Variants in CDH2 observed in about 807,000 individuals in gnomAD.
The protein encoded by CDH2 is cadherin-2.
A neutral mutation model predicts 92.0 loss-of-function variants in CDH2; 17 were observed. The observed-to-expected ratio is 0.18, with a 90% confidence interval of 0.13 to 0.28. CDH2 has a LOEUF of 0.28. Ranked by LOEUF, CDH2 falls within the 10% of genes least tolerant of loss-of-function variation. The probability of loss-of-function intolerance (pLI) is 1.00; values close to 1 mark genes in which losing one functional copy is unlikely to be tolerated. For synonymous variants in CDH2, 419 were observed against 415.9 expected, an observed-to-expected ratio of 1.01 and a Z score of -0.09; for missense variants, 862 against 1,133.1, an observed-to-expected ratio of 0.76 and a Z score of 3.44.
At chr18:27,942,325 G>A (rs1380938066) in intron 6 of CDH2, among the ~76,000 whole-genome samples, 1 of 152,162 alleles carries the variant, frequency 6.6e-6, no homozygotes, top group Non-Finnish European at 1.5e-5. Flanking sequence ...ACAATTATAG[G>A]TAGGTAGATA....
At chr18:28,050,854 C>T (rs1262198192) in intron 2 of CDH2, among the ~76,000 whole-genome samples, 7 of 152,158 alleles carry the variant, frequency 4.6e-5, no homozygotes, top group African/African-American at 1.7e-4. Flanking sequence ...TAAGTTTTAG[C>T]TCAAGAAGAT....
intron 2 of CDH2, among the ~76,000 whole-genome samples, chr18:28,111,305 G>A (rs532771578): frequency 1.2e-4 from 19 of 152,336 alleles, no homozygotes; most frequent in African/African-American, 2.6e-4. Flanking sequence ...GGTGTAGCAC[G>A]TGCATACGTG....
rs1047601108 is a variant in CDH2, at chr18:28,147,607, T to C, written c.172+66A>G. 3 of 1,008,918 alleles carry C rather than the reference T, an allele frequency of 3.0e-6. No individual in the cohort carries two copies. In the Admixed American group the frequency reaches 6.4e-5, roughly 22 times the overall value. 62.5% of individuals were successfully genotyped at this position (1,008,918 alleles called of 1,614,324 possible). ...ATACAGTAGAAATGATTTAGGCTTT[T>C]TTAATGGCTAATTTGTTTCATGAGC... On this transcript the variant is annotated intron_variant, in intron 2 of 15. Transcript: ENST00000269141.
Position 27,979,229 on chromosome 18 carries a change from A to G in CDH2, c.2349+3715T>C, listed in dbSNP as rs953316171. Among the ~76,000 whole-genome samples the G allele has an allele frequency of 3.3e-5, 5 of 152,326 alleles. No homozygotes were observed. The East Asian group carries it at 9.7e-4, about 29-fold the overall frequency. On this transcript the variant is annotated intron_variant, in intron 14 of 15. Coordinates refer to ENST00000269141, the MANE Select transcript of CDH2 (RefSeq NM_001792.5). ...GGCTAAACAAACGTCATGAAATAAC[A>G]TATCAAAAGGGTAAAACCGTAGGCA... is the stretch of plus-strand genomic sequence containing the variant.
At chr18:28,083,176 C>A (rs1355519736) in intron 2 of CDH2, among the ~76,000 whole-genome samples, 1 of 152,016 alleles carries the variant, frequency 6.6e-6, no homozygotes, top group Non-Finnish European at 1.5e-5. Context: ...AAAGATAATA[C>A]CCCCCAAGAA....
intron 1 of CDH2, among the ~76,000 whole-genome samples, chr18:28,170,552 A>C (rs1168938827): frequency 3.9e-5 from 6 of 152,042 alleles, no homozygotes; most frequent in African/African-American, 1.4e-4. Flanking sequence ...TCACCGTGTT[A>C]GGCAGGATGG....
chr18:28,103,824 C>T (rs1463891626), intron 2 of CDH2, among the ~76,000 whole-genome samples: 1 of 152,090 alleles, frequency 6.6e-6, no homozygotes, highest in Non-Finnish European at 1.5e-5. Context: ...CTGCAAAGGA[C>T]ATGAACTCAT....
intron 7 of CDH2, among the ~76,000 whole-genome samples, chr18:27,996,843 C>G (rs2012599023): frequency 1.3e-5 from 2 of 152,120 alleles, no homozygotes; most frequent in African/African-American, 4.8e-5. Context: ...AAAGAAAAAG[C>G]CATCTTCTAT....
At chr18:28,033,119 A>T (rs942674705) in intron 2 of CDH2, among the ~76,000 whole-genome samples, 1 of 152,094 alleles carries the variant, frequency 6.6e-6, no homozygotes, top group Non-Finnish European at 1.5e-5. Context: ...GGTATAGACA[A>T]AAGATGGCAG....
intron 2 of CDH2, among the ~76,000 whole-genome samples, chr18:28,027,957 C>T (rs1033656318): frequency 2.0e-5 from 3 of 151,756 alleles, no homozygotes; most frequent in South Asian, 2.1e-4. Flanking sequence ...CTTTTCCCAA[C>T]TGTATCATTA....
chr18:27,987,126 T>C (rs2012260335), intron 11 of CDH2, among the ~76,000 whole-genome samples: 1 of 152,148 alleles, frequency 6.6e-6, no homozygotes, highest in Non-Finnish European at 1.5e-5. Context: ...AGAAATCTGG[T>C]TGTAACTCAC....
chr18:28,001,767 C>T (rs1025815553), intron 7 of CDH2, among the ~76,000 whole-genome samples: 1 of 152,182 alleles, frequency 6.6e-6, no homozygotes, highest in African/African-American at 2.4e-5. Context: ...TCTTTATTGG[C>T]TCATATTACT....
intron 2 of CDH2, among the ~76,000 whole-genome samples, chr18:28,134,094 C>T: frequency 7.5e-6 from 1 of 133,032 alleles, no homozygotes; most frequent in African/African-American, 2.8e-5. Flanking sequence ...TTGAGGCTGC[C>T]ATGAACAATA....
intron 2 of CDH2, among the ~76,000 whole-genome samples, chr18:28,070,971 T>C (rs1255743547): frequency 2.0e-5 from 3 of 152,170 alleles, no homozygotes; most frequent in African/African-American, 7.2e-5. Flanking sequence ...CAAGCATTGA[T>C]ATGATTTCAT....
At position 28,103,473 on chromosome 18, in the gene CDH2, A is replaced by G. The variant is rs565654854; in HGVS notation, c.172+44200T>C. Among the ~76,000 whole-genome samples the G allele has an allele frequency of 5.8e-3, 355 of 60,960 alleles. 4 individuals carry two copies. Among genetic ancestry groups the G allele is most frequent in the African/African-American group, 0.022 (348 of 16,100 alleles). 40.0% of individuals were successfully genotyped at this position (60,960 alleles called of 152,430 possible). A position where few individuals can be genotyped will look rare whatever the true frequency, so the allele number is the denominator to read the frequency against. On this transcript the variant is annotated intron_variant, in intron 2 of 15. Coordinates refer to ENST00000269141, the MANE Select transcript of CDH2 (RefSeq NM_001792.5). ...ATATATATATACACATAAAGTATGT[A>G]TATATATACACACACACACACACAC...
At position 28,089,940 on chromosome 18, in the gene CDH2, G is replaced by A. The variant is rs564929379; in HGVS notation, c.172+57733C>T. ...ACCTGACAGAATCTTCCATATCCAC[G>A]TGAATTATGCTCTTATAAACTGTTT... On this transcript the variant is annotated intron_variant, in intron 2 of 15. Coordinates refer to ENST00000269141, the MANE Select transcript of CDH2 (RefSeq NM_001792.5). Among the ~76,000 whole-genome samples, 14 of 152,264 alleles carry A rather than the reference G, an allele frequency of 9.2e-5. No individual in the cohort carries two copies. The South Asian group carries it at 1.4e-3, about 16-fold the overall frequency.
chr18:28,119,179 CTT>C (rs1053887068), intron 2 of CDH2, among the ~76,000 whole-genome samples: 2 of 152,080 alleles, frequency 1.3e-5, no homozygotes, highest in Non-Finnish European at 2.9e-5. Context: ...CTTTGGGAAA[CTT>C]TTCCTGTGAC....
intron 2 of CDH2, among the ~76,000 whole-genome samples, chr18:28,136,401 T>C (rs1194677693): frequency 6.6e-6 from 1 of 152,010 alleles, no homozygotes; most frequent in Non-Finnish European, 1.5e-5. Flanking sequence ...TTTTTTTTTT[T>C]TACCATCAAG....
intron 2 of CDH2, among the ~76,000 whole-genome samples, chr18:28,140,308 T>C (rs1299386799): frequency 2.0e-5 from 3 of 151,942 alleles, no homozygotes; most frequent in African/African-American, 4.8e-5. Context: ...AACAGGTAGG[T>C]TGAACTTCAT....
Sources: allele counts gnomAD v4.1 joint callset (sites outside exome capture counted in the v4.1 genomes callset), GRCh38; gene constraint gnomAD v4.1.1; transcripts MANE v1.5; gene names NCBI Gene and HGNC (gene_info 2026-07-23, HGNC 2026-07-21).